Variants in PRAMEF18 observed in about 807,000 individuals in gnomAD.
The protein encoded by PRAMEF18 is PRAME family member-like.
Under a neutral mutation model 23.7 loss-of-function variants are expected in PRAMEF18, and 15 were observed. That is an observed-to-expected ratio of 0.63 (90% CI 0.42 to 0.97). The LOEUF is 0.97. Among genes scored for constraint, PRAMEF18 ranks in the 50% least tolerant of loss-of-function variants. PRAMEF18 has a pLI of 0.00. For missense variants in PRAMEF18, 223 were observed against 418.6 expected, an observed-to-expected ratio of 0.53 and a Z score of 4.08; for synonymous variants, 78 against 159.9, an observed-to-expected ratio of 0.49 and a Z score of 3.86.
intron 2 of PRAMEF18, 87 bp downstream of exon 2, chr1:13,224,768 G>A: frequency 6.2e-7 from 1 of 1,602,612 alleles, no homozygotes; most frequent in Non-Finnish European, 8.5e-7. Context: ...TCCAGTGGCT[G>A]GCACACAGTA....
chr1:13,224,714 A>T (rs1202491224), intron 2 of PRAMEF18, 141 bp downstream of exon 2: 1 of 1,476,708 alleles, frequency 6.8e-7, no homozygotes, highest in Non-Finnish European at 9.2e-7. Flanking sequence ...GATATAGAGC[A>T]CCAAACAGGA....
At chr1:13,224,990 C>G in exon 2 of PRAMEF18, 2 of 1,614,138 alleles carry the variant, frequency 1.2e-6, no homozygotes, top group Non-Finnish European at 1.7e-6. Context: ...TAGCAGGTAA[C>G]GACAGCCATC....
exon 2 of PRAMEF18, chr1:13,224,886 A>C (rs1638819049): frequency 6.2e-7 from 1 of 1,614,052 alleles, no homozygotes; most frequent in African/African-American, 1.3e-5. Flanking sequence ...CCTCTGAAGA[A>C]GCAGACCCTT....
chr1:13,225,158 T>A (rs1638827369), exon 2 of PRAMEF18: 3 of 1,612,582 alleles, frequency 1.9e-6, no homozygotes, highest in Non-Finnish European at 2.5e-6. Context: ...GCTCATTGAA[T>A]AATTCACCAC....
At chr1:13,224,512 C>G in intron 2 of PRAMEF18, 1 of 255,416 alleles carries the variant, frequency 3.9e-6, no homozygotes, top group East Asian at 7.9e-5. Flanking sequence ...TTTACACCCT[C>G]CCCTCTGTTG....
Position 13,225,017 on chromosome 1 carries a change from C to A in PRAMEF18, c.704G>T (p.Arg235Leu), listed in dbSNP as rs374799332. ...ACAGCCATCAGAGATGAAGAGTTTG[C>A]GAAGATTCCTCATCTGGCTCAGGTA... is the stretch of plus-strand genomic sequence containing the variant. The change falls in exon 2 of 3, where the codon CGC becomes CTC. Residue 235 changes from arginine (R) to leucine (L), a missense_variant. By Grantham distance (102) the Arg-to-Leu change is moderately radical (BLOSUM62 -2). Coordinates refer to ENST00000624297, the Ensembl canonical transcript of PRAMEF18. 3.8e-4 allele frequency: 616 copies of A among 1,613,840 alleles called. No individual in the cohort carries two copies. The African/African-American group carries it at 6.7e-3, about 17-fold the overall frequency.
At position 13,224,773 on chromosome 1, in the gene PRAMEF18, A is replaced by C. The variant is rs1426110231; in HGVS notation, c.866+82T>G. 3.7e-6 allele frequency: 6 copies of C among 1,606,624 alleles called. No individual in the cohort carries two copies. In the East Asian group the frequency reaches 1.3e-4, roughly 36 times the overall value. On this transcript the variant is annotated intron_variant, in intron 2 of 2. Coordinates refer to ENST00000624297, the Ensembl canonical transcript of PRAMEF18. ...CCTAGACATCTCCAGTGGCTGGCACACAGTAGATGCTGATTGGTGTTTATT... is the reference window on the plus strand; with the variant it reads ...CCTAGACATCTCCAGTGGCTGGCACCCAGTAGATGCTGATTGGTGTTTATT...
At chr1:13,225,758 T>C in intron 1 of PRAMEF18, 62 bp downstream of exon 1, 1 of 1,612,416 alleles carries the variant, frequency 6.2e-7, no homozygotes, top group Non-Finnish European at 8.5e-7. Flanking sequence ...GGGTTCCCAA[T>C]TTGTCTGACC....
rs1448260442 is a variant in PRAMEF18, at chr1:13,226,056, C to A, written c.51G>T (p.Leu17=). The change falls in exon 1 of 3, where the codon CTG becomes CTT. Residue 17 remains leucine, a synonymous_variant. Transcript: ENST00000624297. ...AGATGGCCAAGGCCTGGTCCCTCAG[C>A]AGGCTCTGCCCTGCCAGCTCCAGGA... 3.5e-5 allele frequency: 56 copies of A among 1,613,244 alleles called. No homozygotes were observed. In the South Asian group the frequency reaches 6.0e-4, roughly 17 times the overall value.
chr1:13,224,952 C>G (rs1188929701), exon 2 of PRAMEF18: 1 of 1,613,988 alleles, frequency 6.2e-7, no homozygotes, highest in Non-Finnish European at 8.5e-7. Flanking sequence ...CTGAATTCAG[C>G]AACTAACTGT....
exon 2 of PRAMEF18, chr1:13,225,301 C>A: frequency 6.2e-7 from 1 of 1,612,178 alleles, no homozygotes; most frequent in Non-Finnish European, 8.5e-7. Context: ...TCTCTCCTGT[C>A]CTTGGACAGT....
At chr1:13,225,774 G>A (rs1193612667) in intron 1 of PRAMEF18, 46 bp downstream of exon 1, 1 of 1,612,506 alleles carries the variant, frequency 6.2e-7, no homozygotes, top group African/African-American at 1.3e-5. Context: ...TGACCCAGCT[G>A]TTTAGTCCCT....
exon 2 of PRAMEF18, chr1:13,225,340 C>G (rs1377499181): frequency 6.2e-7 from 1 of 1,611,984 alleles, no homozygotes; most frequent in South Asian, 1.1e-5. Context: ...TACTCATGGC[C>G]TCTGGGGAGC....
At chr1:13,225,077 A>G (rs751794802) in exon 2 of PRAMEF18, 2 of 1,614,132 alleles carry the variant, frequency 1.2e-6, no homozygotes, top group Admixed American at 1.7e-5. Flanking sequence ...CAGCCAGCAC[A>G]TGTTCCAAAT....
intron 2 of PRAMEF18, 118 bp downstream of exon 2, chr1:13,224,737 G>A (rs867739963): frequency 1.3e-6 from 2 of 1,531,942 alleles, no homozygotes; most frequent in Non-Finnish European, 8.9e-7. Flanking sequence ...ATGCATTCTA[G>A]TGTCCCCTTC....
exon 3 of PRAMEF18, chr1:13,223,766 G>C (rs746072563): frequency 3.9e-6 from 1 of 255,948 alleles, no homozygotes; most frequent in Admixed American, 8.6e-5. Context: ...GGCTCAAGAC[G>C]GATGAAGCGC....
At chr1:13,224,790 G>A (rs1420780918) in intron 2 of PRAMEF18, 65 bp downstream of exon 2, 3 of 1,611,280 alleles carry the variant, frequency 1.9e-6, no homozygotes, top group East Asian at 2.2e-5. Context: ...ATGCTGATTG[G>A]TGTTTATTGT....
chr1:13,225,745 C>T (rs1376483889), intron 1 of PRAMEF18, 75 bp downstream of exon 1: 1 of 1,612,312 alleles, frequency 6.2e-7, no homozygotes, highest in South Asian at 1.1e-5. Context: ...CCTGGGCCAC[C>T]CCGGGTTCCC....
At chr1:13,224,814 T>C in intron 2 of PRAMEF18, 41 bp downstream of exon 2, 1 of 1,613,148 alleles carries the variant, frequency 6.2e-7, no homozygotes, top group Admixed American at 1.7e-5. Context: ...AAAAAAAGGC[T>C]GTGCTATGGC....
Sources: allele counts gnomAD v4.1 joint callset, GRCh38; gene constraint gnomAD v4.1.1; transcripts MANE v1.5; gene names NCBI Gene and HGNC (gene_info 2026-07-23, HGNC 2026-07-21).